Variants in LINGO2 observed in about 807,000 individuals in gnomAD.
LINGO2 encodes leucine rich repeat and Ig domain containing 2, also known as leucine-rich repeat and immunoglobulin-like domain-containing nogo receptor-interacting protein 2.
LINGO2 carries 14 observed loss-of-function variants against 30.6 expected under a neutral mutation model. The observed-to-expected ratio is 0.46, with a 90% CI of 0.30 to 0.72. The LOEUF is 0.72. Ranked by LOEUF, LINGO2 falls within the 30% of genes least tolerant of loss-of-function variation. The pLI, the probability that LINGO2 is intolerant of heterozygous loss-of-function variation, is 0.07. For missense variants in LINGO2, 729 were observed against 751.7 expected, an observed-to-expected ratio of 0.97 and a Z score of 0.35; for synonymous variants, 317 against 288.5, an observed-to-expected ratio of 1.10 and a Z score of -1.00.
chr9:28,701,972 T>A, the LINGO2 span, among the ~76,000 whole-genome samples: 2 of 151,982 alleles, frequency 1.3e-5, no homozygotes, highest in Non-Finnish European at 2.9e-5. Context: ...AACTTTTGTA[T>A]CCGAGAAGCT....
chr9:28,990,108 C>T, the LINGO2 span, among the ~76,000 whole-genome samples: 18 of 152,296 alleles, frequency 1.2e-4, no homozygotes, highest in Middle Eastern at 3.4e-3. Context: ...CACTGGGAAG[C>T]GCAAGGGGTC....
At chr9:29,117,061 A>G in the LINGO2 span, among the ~76,000 whole-genome samples, 2 of 152,216 alleles carry the variant, frequency 1.3e-5, no homozygotes, top group Non-Finnish European at 2.9e-5. Flanking sequence ...TATGATTACT[A>G]TAAGAATTAT....
At chr9:28,675,914 T>C in the LINGO2 span, among the ~76,000 whole-genome samples, 7 of 133,718 alleles carry the variant, frequency 5.2e-5, no homozygotes, top group African/African-American at 2.1e-4. Flanking sequence ...TGTATATATA[T>C]ATATATATAT....
chr9:28,924,782 C>T, the LINGO2 span, among the ~76,000 whole-genome samples: 24 of 152,196 alleles, frequency 1.6e-4, no homozygotes, highest in South Asian at 4.8e-3. Flanking sequence ...TTTATGTGTC[C>T]GATGTCAGGT....
chr9:28,533,188 T>C (rs774002564), intron 1 of LINGO2, among the ~76,000 whole-genome samples: 3 of 152,042 alleles, frequency 2.0e-5, no homozygotes, highest in Admixed American at 2.0e-4. Context: ...CTTGCTCGGG[T>C]GCTGGTTGCT....
At chr9:28,809,035 T>C in the LINGO2 span, among the ~76,000 whole-genome samples, 3 of 152,284 alleles carry the variant, frequency 2.0e-5, no homozygotes, top group South Asian at 2.1e-4. Flanking sequence ...TTCTTTGACA[T>C]AGATATAGGG....
At chr9:28,211,299 T>C (rs10968389) in intron 4 of LINGO2, among the ~76,000 whole-genome samples, 50,722 of 150,242 alleles carry the variant, frequency 0.34, 9,311 homozygotes, top group East Asian at 0.44. Context: ...TTTTTTTTTT[T>C]TTTTTAGTTT....
the LINGO2 span, among the ~76,000 whole-genome samples, chr9:28,840,687 A>G: frequency 1.3e-5 from 2 of 151,988 alleles, no homozygotes; most frequent in Non-Finnish European, 2.9e-5. Flanking sequence ...AAAGTTAATT[A>G]ATGCTTATTT....
intron 4 of LINGO2, among the ~76,000 whole-genome samples, chr9:28,240,437 T>A (rs1026613765): frequency 2.0e-4 from 31 of 151,544 alleles, no homozygotes; most frequent in Non-Finnish European, 4.4e-5. Context: ...AACAAAAATA[T>A]CCCGGACACA....
intron 1 of LINGO2, among the ~76,000 whole-genome samples, chr9:28,497,027 C>T (rs917453087): frequency 3.9e-5 from 6 of 152,172 alleles, no homozygotes; most frequent in African/African-American, 9.7e-5. Flanking sequence ...CCAAGAGATC[C>T]GCAGCTAGTC....
chr9:28,587,412 A>G (rs1446005218), intron 1 of LINGO2, among the ~76,000 whole-genome samples: 4 of 151,990 alleles, frequency 2.6e-5, no homozygotes, highest in Non-Finnish European at 4.4e-5. Context: ...CTAGTCACAG[A>G]GAGAATTGTT....
chr9:29,084,139 C>T, the LINGO2 span, among the ~76,000 whole-genome samples: 1 of 152,020 alleles, frequency 6.6e-6, no homozygotes, highest in Admixed American at 6.6e-5. Context: ...AAATTTTAGA[C>T]AATTCAATTC....
At chr9:29,136,892 G>A in the LINGO2 span, among the ~76,000 whole-genome samples, 1 of 152,034 alleles carries the variant, frequency 6.6e-6, no homozygotes, top group Non-Finnish European at 1.5e-5. Flanking sequence ...CATGTCATTT[G>A]TAGGAACTCA....
chr9:28,907,749 G>C, the LINGO2 span, among the ~76,000 whole-genome samples: 2 of 151,702 alleles, frequency 1.3e-5, no homozygotes, highest in Non-Finnish European at 3.0e-5. Context: ...ATGAAGCAGA[G>C]ATGCATGAGG....
At chr9:28,625,474 A>T (rs1353705332) in intron 1 of LINGO2, among the ~76,000 whole-genome samples, 1 of 152,120 alleles carries the variant, frequency 6.6e-6, no homozygotes, top group East Asian at 1.9e-4. Flanking sequence ...TTTGGTTGCT[A>T]TGATGGTACT....
intron 4 of LINGO2, among the ~76,000 whole-genome samples, chr9:28,275,155 G>T (rs1402764369): frequency 6.6e-6 from 1 of 152,024 alleles, no homozygotes; most frequent in African/African-American, 2.4e-5. Context: ...TGCAAGCTCC[G>T]TCTCCTGGGT....
At chr9:28,501,185 C>T (rs1819867694) in intron 1 of LINGO2, among the ~76,000 whole-genome samples, 1 of 152,050 alleles carries the variant, frequency 6.6e-6, no homozygotes, top group African/African-American at 2.4e-5. Context: ...TATAAAAATG[C>T]ACTTGAAGTA....
At chr9:29,069,382 G>A in the LINGO2 span, among the ~76,000 whole-genome samples, 1 of 151,806 alleles carries the variant, frequency 6.6e-6, no homozygotes, top group Admixed American at 6.6e-5. Flanking sequence ...TCCTAGGTCT[G>A]AAAAGTTATA....
rs1312993539 is a variant in LINGO2 at position 28,618,881 on chromosome 9, G to A, written c.-365+51319C>T. On this transcript the variant is annotated intron_variant, in intron 1 of 5. Transcript: ENST00000379992. ...GCTGAATGAATGAATGAACTTAAAG[G>A]AAAAAAAATTTGTTACTGTAATGCA... 1.3e-4 allele frequency among the ~76,000 whole-genome samples: 19 copies of A among 151,764 alleles called. 1 individual carries two copies. The highest frequency in any genetic ancestry group is 1.2e-3 in the Admixed American group (19 of 15,240).
Sources: allele counts gnomAD v4.1 joint callset (sites outside exome capture counted in the v4.1 genomes callset), GRCh38; gene constraint gnomAD v4.1.1; transcripts MANE v1.5; gene names NCBI Gene and HGNC (gene_info 2026-07-23, HGNC 2026-07-21).